The following SUCLA2 variants were observed in gnomAD, a reference collection of about 807,000 sequenced individuals.
SUCLA2 encodes the protein succinate--CoA ligase [ADP-forming] subunit beta, mitochondrial.
Under a neutral mutation model 54.8 loss-of-function variants are expected in SUCLA2, and 30 were observed. That is an observed-to-expected ratio of 0.55 (90% CI 0.41 to 0.74). The LOEUF (loss-of-function observed/expected upper bound fraction) is 0.74. Ranked by LOEUF, SUCLA2 falls within the 30% of genes least tolerant of loss-of-function variation. SUCLA2 has a pLI of 0.00. For synonymous variants in SUCLA2, 172 were observed against 188.9 expected (o/e 0.91, Z 0.74); for missense variants, 476 against 562.9 (o/e 0.85, Z 1.56).
chr13:47,982,472 A>T (rs1353720119), intron 4 of SUCLA2, among the ~76,000 whole-genome samples: 1 of 139,508 alleles, frequency 7.2e-6, no homozygotes, highest in Non-Finnish European at 1.5e-5. Flanking sequence ...TAATTTTGTA[A>T]GACAAAAAAA....
chr13:47,943,766 G>GTGTGTGTATATATA (rs1300486540), intron 10 of SUCLA2, among the ~76,000 whole-genome samples: 128 of 139,654 alleles, frequency 9.2e-4, no homozygotes, highest in African/African-American at 3.0e-3. Flanking sequence ...GTGTGTGTGT[G>GTGTGTGTATATATA]TATATATATA....
chr13:47,967,918 A>G (rs982161648), intron 6 of SUCLA2, among the ~76,000 whole-genome samples: 2 of 152,110 alleles, frequency 1.3e-5, no homozygotes, highest in African/African-American at 4.8e-5. Context: ...CAAAAATCAA[A>G]TAACATTAAA....
chr13:47,964,324 G>A (rs545982273), intron 6 of SUCLA2, among the ~76,000 whole-genome samples: 1 of 152,230 alleles, frequency 6.6e-6, no homozygotes, highest in East Asian at 1.9e-4. Flanking sequence ...GGAAAGAATT[G>A]GTAGACAATG....
chr13:47,998,089 C>A (rs1444881644), intron 1 of SUCLA2, among the ~76,000 whole-genome samples: 1 of 152,048 alleles, frequency 6.6e-6, no homozygotes, highest in Non-Finnish European at 1.5e-5. Context: ...TAGCTCAATT[C>A]CTTGATTTAG....
chr13:47,994,762 G>T, intron 2 of SUCLA2: 1 of 866,464 alleles, frequency 1.2e-6, no homozygotes, highest in Non-Finnish European at 1.4e-6. Context: ...AATGAACAAG[G>T]TATCTGTTCC....
chr13:47,964,656 G>A (rs1470971077), intron 6 of SUCLA2, among the ~76,000 whole-genome samples: 2 of 152,132 alleles, frequency 1.3e-5, no homozygotes, highest in South Asian at 2.1e-4. Context: ...AGGAGATCGA[G>A]ACCATCCTGG....
intron 5 of SUCLA2, 152 bp downstream of exon 5, chr13:47,973,112 A>G: frequency 3.0e-6 from 2 of 675,380 alleles, no homozygotes; most frequent in Non-Finnish European, 5.0e-6. Context: ...ATTGTAAATA[A>G]TTCCAAAATG....
At chr13:47,986,570 T>C (rs1226971431) in intron 4 of SUCLA2, among the ~76,000 whole-genome samples, 1 of 152,196 alleles carries the variant, frequency 6.6e-6, no homozygotes, top group Non-Finnish European at 1.5e-5. Context: ...TGTCAATTTT[T>C]GCTTTTGTTG....
intron 4 of SUCLA2, among the ~76,000 whole-genome samples, chr13:47,973,957 A>C (rs1949988551): frequency 6.6e-6 from 1 of 152,076 alleles, no homozygotes; most frequent in Non-Finnish European, 1.5e-5. Context: ...GGGCAAGGGG[A>C]GGGATAGCAT....
intron 2 of SUCLA2, among the ~76,000 whole-genome samples, chr13:47,992,483 G>C (rs1026539877): frequency 2.0e-5 from 3 of 151,668 alleles, no homozygotes; most frequent in Non-Finnish European, 4.4e-5. Context: ...GAGGACAACT[G>C]GTCGAAACAA....
intron 8 of SUCLA2, among the ~76,000 whole-genome samples, chr13:47,953,772 TACAAAATCTACA>T (rs1275432476): frequency 6.6e-6 from 1 of 151,616 alleles, no homozygotes; most frequent in Non-Finnish European, 1.5e-5. Flanking sequence ...TTGTAAGCCT[TACAAAATCTACA>T]CTGGCCACAC....
intron 6 of SUCLA2, among the ~76,000 whole-genome samples, chr13:47,958,252 C>T (rs1488797920): frequency 6.6e-6 from 1 of 152,120 alleles, no homozygotes; most frequent in Non-Finnish European, 1.5e-5. Flanking sequence ...CAGTGAATTA[C>T]CTATTGGAGT....
rs150996983 is a variant in SUCLA2, at chr13:47,954,171, T to G, written c.1076A>C (p.Glu359Ala). Reference protein sequence around the residue: ...GGGATVHQVTEAFKLITSDKK... With the variant: ...GGGATVHQVTAAFKLITSDKK... ...ATCTGAAGTGATAAGCTTAAATGCTTCTGTTACTTGATGGACTGTAGCACC... is the reference window on the plus strand; with the variant it reads ...ATCTGAAGTGATAAGCTTAAATGCTGCTGTTACTTGATGGACTGTAGCACC... Residue 359 changes from glutamate to alanine, a missense_variant, in exon 8 of 11, where the codon GAA (glutamate) becomes GCA (alanine). Glu to Ala is a moderately radical substitution (Grantham distance 107). Coordinates refer to ENST00000646932, the MANE Select transcript of SUCLA2 (RefSeq NM_003850.3). 196 of 1,613,668 alleles carry G rather than the reference T, an allele frequency of 1.2e-4. No individual in the cohort carries two copies. Among genetic ancestry groups the G allele is most frequent in the Non-Finnish European group, 1.6e-4 (183 of 1,179,780 alleles).
chr13:47,996,020 A>T (rs1343902745), intron 2 of SUCLA2, among the ~76,000 whole-genome samples: 2 of 152,126 alleles, frequency 1.3e-5, no homozygotes, highest in Non-Finnish European at 2.9e-5. Context: ...ATATCAGTGA[A>T]CAAATAAGAA....
chr13:47,978,592 G>A (rs1187167090), intron 4 of SUCLA2, among the ~76,000 whole-genome samples: 1 of 152,118 alleles, frequency 6.6e-6, no homozygotes, highest in Non-Finnish European at 1.5e-5. Context: ...TACCATTCAG[G>A]ACATAGGCAT....
chr13:47,948,685 AT>A, intron 10 of SUCLA2, among the ~76,000 whole-genome samples: 1 of 152,164 alleles, frequency 6.6e-6, no homozygotes, highest in East Asian at 1.9e-4. Context: ...TCCTTGCTGT[AT>A]TTGGAGTTGG....
At chr13:47,980,143 G>A (rs144896624) in intron 4 of SUCLA2, among the ~76,000 whole-genome samples, 3,228 of 152,268 alleles carry the variant, frequency 0.021, 102 homozygotes, top group African/African-American at 0.071. Context: ...CAGGCAGGGC[G>A]CGGTGGCTCA....
intron 10 of SUCLA2, 140 bp downstream of exon 10, chr13:47,948,800 T>C (rs1949754838): frequency 1.2e-6 from 1 of 829,506 alleles, no homozygotes; most frequent in Admixed American, 1.8e-5. Flanking sequence ...TCAGCAAGAG[T>C]CATGAATAAT....
rs1385385571 is a variant in SUCLA2 at position 47,988,929 on chromosome 13, T to C, written c.324A>G (p.Lys108=). Reference sequence around the variant, plus strand: ...CTTTGAGGCCACTTTCAAATGTTCCTTTTCCTCTACCACCAGCTAAAACCT... The same window carrying C: ...CTTTGAGGCCACTTTCAAATGTTCCCTTTCCTCTACCACCAGCTAAAACCT... ...KAQVLAGGRG[K]GTFESGLKGG... is the part of the protein sequence containing the mutation. The change falls in exon 3 of 11, where the codon AAA becomes AAG. Residue 108 remains lysine (K), a synonymous_variant. Coordinates refer to ENST00000646932, the MANE Select transcript of SUCLA2 (RefSeq NM_003850.3). 2 of 1,613,474 alleles carry C rather than the reference T, an allele frequency of 1.2e-6. No homozygotes were observed. Among genetic ancestry groups the C allele is most frequent in the Admixed American group, 3.3e-5 (2 of 60,026 alleles).
Sources: allele counts gnomAD v4.1 joint callset (sites outside exome capture counted in the v4.1 genomes callset), GRCh38; gene constraint gnomAD v4.1.1; transcripts MANE v1.5; gene names NCBI Gene and HGNC (gene_info 2026-07-23, HGNC 2026-07-21).